The following OGFOD1 variants were observed in gnomAD, a reference collection of about 807,000 sequenced individuals.
The protein encoded by OGFOD1 is prolyl 3-hydroxylase OGFOD1.
A neutral mutation model predicts 67.7 loss-of-function variants in OGFOD1; 54 were observed. The observed-to-expected ratio is 0.80, with a 90% CI of 0.64 to 1.00. OGFOD1 has a LOEUF of 1.00. Ranked by LOEUF, OGFOD1 falls within the 50% of genes least tolerant of loss-of-function variation. OGFOD1 has a pLI of 0.00. For synonymous variants in OGFOD1, 221 were observed against 227.0 expected (o/e 0.97, Z 0.24); for missense variants, 606 against 646.7 (o/e 0.94, Z 0.68).
At position 56,451,562 on chromosome 16, in the gene OGFOD1, A is replaced by G. The variant is rs534921224; in HGVS notation, c.-51A>G. 21 of 1,601,566 alleles carry G rather than the reference A, an allele frequency of 1.3e-5. No homozygotes were observed. The highest frequency in any genetic ancestry group is 8.4e-5 in the Admixed American group (5 of 59,258). On this transcript the variant is annotated 5_prime_UTR_variant, in exon 1 of 13. Coordinates refer to ENST00000566157, the MANE Select transcript of OGFOD1 (RefSeq NM_018233.4). ...ACATGCCGGGAGTTGCAGTACCCTC[A>G]GGAAGGTAGCGTCTTGATCTGCGTG...
intron 5 of OGFOD1, 39 bp from the exon 6 acceptor site, chr16:56,466,837 G>GTTAATGATAA (rs753084959): frequency 6.8e-7 from 1 of 1,460,902 alleles, no homozygotes; most frequent in Admixed American, 1.7e-5. Context: ...GCTGGAAGTG[G>GTTAATGATAA]TTAATGATAA....
rs900068960 is a variant in OGFOD1 at position 56,478,009 on chromosome 16, C to A, written c.*1804C>A. On this transcript the variant is annotated 3_prime_UTR_variant, in exon 13 of 13. Transcript: ENST00000566157. ...GATATGGATATTTATATATTTTACA[C>A]ATGTAGTAATATTATTTCTATAACT... The A allele has an allele frequency of 4.6e-5, 7 of 152,128 alleles. No homozygotes were observed. Among genetic ancestry groups the A allele is most frequent in the Non-Finnish European group, 8.8e-5 (6 of 68,028 alleles). 9.4% of individuals were successfully genotyped at this position (152,128 alleles called of 1,614,324 possible).
chr16:56,473,433 C>T (rs951722822), intron 10 of OGFOD1, among the ~76,000 whole-genome samples: 9 of 152,142 alleles, frequency 5.9e-5, no homozygotes, highest in South Asian at 4.1e-4. Flanking sequence ...TCATAATAAA[C>T]GACACATCCA....
At position 56,453,589 on chromosome 16, in the gene OGFOD1, G is replaced by A. The variant is rs1234223021; in HGVS notation, c.300+181G>A. On this transcript the variant is annotated intron_variant, in intron 2 of 12. Transcript: ENST00000566157. ...ACTGAGTGTTAACTATGTGTTAAGT[G>A]CTATAATTATATGGAAGCCTTAGAC... 9.1e-6 allele frequency: 5 copies of A among 552,330 alleles called. No individual in the cohort carries two copies. In the East Asian group the frequency reaches 1.2e-4, roughly 14 times the overall value. The allele number at this position is 552,330 out of a possible 1,614,324, so 34.2% of individuals were successfully genotyped here. A position where few individuals can be genotyped will look rare whatever the true frequency, so the allele number is the denominator to read the frequency against.
chr16:56,469,286 T>C (rs1427548710), intron 8 of OGFOD1, among the ~76,000 whole-genome samples: 1 of 152,256 alleles, frequency 6.6e-6, no homozygotes, highest in African/African-American at 2.4e-5. Context: ...GAATCGGAAT[T>C]GTTATACAGA....
chr16:56,461,463 T>G (rs961246682), intron 3 of OGFOD1, among the ~76,000 whole-genome samples: 1 of 152,202 alleles, frequency 6.6e-6, no homozygotes, highest in Non-Finnish European at 1.5e-5. Context: ...TATAATAAAC[T>G]GGTAATCTAG....
intron 2 of OGFOD1, 89 bp from the exon 3 acceptor site, chr16:56,458,459 C>A: frequency 1.7e-6 from 2 of 1,178,672 alleles, no homozygotes; most frequent in Non-Finnish European, 2.5e-6. Context: ...AATGACAATG[C>A]TAGGACCAGA....
chr16:56,469,441 A>AAGACT (rs1963048701), intron 8 of OGFOD1, among the ~76,000 whole-genome samples: 3 of 152,198 alleles, frequency 2.0e-5, no homozygotes, highest in African/African-American at 7.2e-5. Flanking sequence ...CGTAAGGTAT[A>AAGACT]TAACTACTTA....
At chr16:56,451,798 C>G (rs1299008730) in intron 1 of OGFOD1, 32 bp downstream of exon 1, 4 of 1,609,512 alleles carry the variant, frequency 2.5e-6, no homozygotes, top group African/African-American at 1.3e-5. Context: ...GGGGCCGCCA[C>G]GCAGAGGTCT....
chr16:56,475,090 G>T, intron 11 of OGFOD1, 140 bp downstream of exon 11: 1 of 845,056 alleles, frequency 1.2e-6, no homozygotes, highest in Non-Finnish European at 1.8e-6. Context: ...AAGTCAAAGG[G>T]ATTTTACGGG....
intron 2 of OGFOD1, chr16:56,454,660 A>T: frequency 5.8e-6 from 2 of 346,120 alleles, no homozygotes; most frequent in South Asian, 4.3e-5. Context: ...GGGGAAAAAA[A>T]AAAGAAAGAT....
Position 56,476,365 on chromosome 16 carries a change from C to T in OGFOD1, c.*160C>T, listed in dbSNP as rs1286802240. 2.4e-5 allele frequency: 13 copies of T among 535,394 alleles called. No homozygotes were observed. Among genetic ancestry groups the T allele is most frequent in the Non-Finnish European group, 2.5e-5 (8 of 323,706 alleles). 33.2% of individuals were successfully genotyped at this position (535,394 alleles called of 1,614,324 possible). A position where few individuals can be genotyped will look rare whatever the true frequency, so the allele number is the denominator to read the frequency against. On this transcript the variant is annotated 3_prime_UTR_variant, in exon 13 of 13. Transcript: ENST00000566157. ...AGGACTCATAATGATTGTCCTCAAC[C>T]GAGACCTTGAGCTTGCAGCTAAGTA...
intron 1 of OGFOD1, among the ~76,000 whole-genome samples, chr16:56,452,926 C>T (rs1962390668): frequency 6.6e-6 from 1 of 151,670 alleles, no homozygotes; most frequent in South Asian, 2.1e-4. Context: ...AATGTGCTAC[C>T]CAAAGTTTGA....
chr16:56,465,412 A>G (rs146352101), intron 4 of OGFOD1, among the ~76,000 whole-genome samples: 1 of 152,324 alleles, frequency 6.6e-6, no homozygotes, highest in African/African-American at 2.4e-5. Context: ...CTGCATTTCC[A>G]TATTTGTAAC....
Position 56,476,035 on chromosome 16 carries a change from CTT to C in OGFOD1, c.1468-5_1468-4del, listed in dbSNP as rs1275364691. ...TGTTCTGATGTGTCACTGTATTTGTCTTTTTCAGCTGCTAACAGTGAATCCAG... is the reference window on the plus strand; with the variant it reads ...TGTTCTGATGTGTCACTGTATTTGTCTTTCAGCTGCTAACAGTGAATCCAG... On this transcript the variant is annotated splice_region_variant and splice_polypyrimidine_tract_variant and intron_variant, in intron 12 of 12. Transcript: ENST00000566157. 1.9e-6 allele frequency: 3 copies of C among 1,605,716 alleles called. No individual in the cohort carries two copies. The Admixed American group carries it at 5.2e-5, about 28-fold the overall frequency.
At chr16:56,475,464 T>C (rs1220383680) in intron 11 of OGFOD1, 43 bp from the exon 12 acceptor site, 3 of 1,587,604 alleles carry the variant, frequency 1.9e-6, no homozygotes. Context: ...TGCGACTCTT[T>C]CAATAGGAGC....
At chr16:56,462,092 C>G (rs1253695343) in intron 3 of OGFOD1, among the ~76,000 whole-genome samples, 2 of 130,116 alleles carry the variant, frequency 1.5e-5, no homozygotes, top group Non-Finnish European at 3.3e-5. Context: ...GACTCTATCT[C>G]AAAAAAAAAA....
At chr16:56,455,535 C>T (rs1409286560) in intron 2 of OGFOD1, among the ~76,000 whole-genome samples, 7 of 152,090 alleles carry the variant, frequency 4.6e-5, no homozygotes, top group South Asian at 2.1e-4. Flanking sequence ...GAACTCTTCA[C>T]CCTAAGACAG....
chr16:56,462,914 CAG>C (rs1962761913), intron 4 of OGFOD1, among the ~76,000 whole-genome samples: 1 of 152,204 alleles, frequency 6.6e-6, no homozygotes, highest in Non-Finnish European at 1.5e-5. Context: ...TCAAGAAATT[CAG>C]AGTGATATAT....
Sources: allele counts gnomAD v4.1 joint callset (sites outside exome capture counted in the v4.1 genomes callset), GRCh38; gene constraint gnomAD v4.1.1; transcripts MANE v1.5; gene names NCBI Gene and HGNC (gene_info 2026-07-23, HGNC 2026-07-21).